Variants in SDK1 observed in about 807,000 individuals in gnomAD.
SDK1 encodes sidekick cell adhesion molecule 1.
In SDK1, 157 loss-of-function variants were observed where a neutral mutation model predicts 245.5. The ratio of observed to expected loss-of-function variants is 0.64; its 90% CI spans 0.56 to 0.73. The LOEUF (loss-of-function observed/expected upper bound fraction) is 0.73, where lower values mean the gene tolerates loss of function less well. Among genes scored for constraint, SDK1 ranks in the 30% least tolerant of loss-of-function variants. SDK1 has a pLI of 0.00. For synonymous variants in SDK1, 1,647 were observed against 1,278.5 expected, an observed-to-expected ratio of 1.29 and a Z score of -6.15; for missense variants, 3,583 against 3,002.3, an observed-to-expected ratio of 1.19 and a Z score of -4.52.
At chr7:4,257,682 G>A (rs6973319) in intron 44 of SDK1, among the ~76,000 whole-genome samples, 27,342 of 152,036 alleles carry the variant, frequency 0.18, 2,564 homozygotes, top group Middle Eastern at 0.25. Context: ...TTGGAGCCTC[G>A]TGTCTCTGCT....
intron 1 of SDK1, chr7:3,302,085 C>T (rs1022595568): frequency 7.6e-6 from 2 of 264,464 alleles, no homozygotes; most frequent in Non-Finnish European, 1.3e-5. Context: ...AGCCTGCACC[C>T]CGTCTGCTAC....
intron 11 of SDK1, among the ~76,000 whole-genome samples, chr7:3,971,165 A>G (rs541564458): frequency 1.8e-4 from 28 of 152,326 alleles, no homozygotes; most frequent in African/African-American, 6.7e-4. Context: ...GTTTTATTTT[A>G]GAGCCTAGAA....
intron 1 of SDK1, among the ~76,000 whole-genome samples, chr7:3,453,805 G>C (rs1308988602): frequency 1.3e-5 from 2 of 151,948 alleles, no homozygotes; most frequent in Non-Finnish European, 2.9e-5. Context: ...GGTCTCAAGC[G>C]ATCCTCCTGG....
chr7:3,598,375 G>T (rs565347104), intron 1 of SDK1, among the ~76,000 whole-genome samples: 1 of 152,100 alleles, frequency 6.6e-6, no homozygotes, highest in African/African-American at 2.4e-5. Context: ...CAGTGTGTTT[G>T]TTCTAAATTA....
chr7:3,821,671 T>C, intron 5 of SDK1, 88 bp downstream of exon 5: 1 of 1,442,154 alleles, frequency 6.9e-7, no homozygotes. Flanking sequence ...CATTTTGCAA[T>C]AAATTTTCTC....
intron 1 of SDK1, among the ~76,000 whole-genome samples, chr7:3,487,534 GAGTTCGAGACC>G (rs1006129116): frequency 6.6e-6 from 1 of 151,986 alleles, no homozygotes; most frequent in African/African-American, 2.4e-5. Flanking sequence ...CTGAGCCCAG[GAGTTCGAGACC>G]AGCTTGGGCA....
intron 1 of SDK1, among the ~76,000 whole-genome samples, chr7:3,519,523 T>C (rs1189188305): frequency 3.9e-5 from 6 of 152,254 alleles, no homozygotes; most frequent in Non-Finnish European, 8.8e-5. Flanking sequence ...TTGCTTGCTA[T>C]GTTTTGGGCA....
intron 5 of SDK1, among the ~76,000 whole-genome samples, chr7:3,906,757 A>G (rs1373084897): frequency 6.7e-6 from 1 of 149,808 alleles, no homozygotes; most frequent in African/African-American, 2.5e-5. Context: ...CCTCCTGAGT[A>G]GCTGGGACTA....
intron 14 of SDK1, among the ~76,000 whole-genome samples, chr7:4,009,535 A>G (rs970043337): frequency 2.6e-5 from 4 of 152,238 alleles, no homozygotes; most frequent in African/African-American, 9.6e-5. Flanking sequence ...AGACACACAG[A>G]GAGGGGGATC....
intron 4 of SDK1, among the ~76,000 whole-genome samples, chr7:3,789,432 G>C (rs766192460): frequency 2.6e-5 from 4 of 152,200 alleles, no homozygotes; most frequent in Non-Finnish European, 5.9e-5. Context: ...ACAGGCGTGA[G>C]CCACTCTGCC....
chr7:3,693,810 A>G (rs1192213439), intron 4 of SDK1, among the ~76,000 whole-genome samples: 1 of 152,038 alleles, frequency 6.6e-6, no homozygotes, highest in African/African-American at 2.4e-5. Context: ...AATCTCTGCT[A>G]TCCCCTAGCT....
chr7:3,838,506 G>A (rs1780078030), intron 5 of SDK1, among the ~76,000 whole-genome samples: 1 of 152,226 alleles, frequency 6.6e-6, no homozygotes, highest in South Asian at 2.1e-4. Flanking sequence ...GAGTCAGCAG[G>A]TGCCTCTCTG....
intron 1 of SDK1, among the ~76,000 whole-genome samples, chr7:3,427,667 T>G (rs1338885822): frequency 6.6e-6 from 1 of 152,170 alleles, no homozygotes; most frequent in African/African-American, 2.4e-5. Flanking sequence ...CCATACTCCT[T>G]TCTAAGTTTG....
intron 17 of SDK1, among the ~76,000 whole-genome samples, chr7:4,031,900 G>A (rs1050333693): frequency 5.0e-5 from 7 of 138,976 alleles, no homozygotes; most frequent in Non-Finnish European, 7.8e-5. Context: ...GGTGGTGCAC[G>A]CCTATAATCC....
At chr7:4,128,198 C>T (rs1400194331) in intron 26 of SDK1, among the ~76,000 whole-genome samples, 1 of 152,200 alleles carries the variant, frequency 6.6e-6, no homozygotes. Flanking sequence ...AGCGAGGCCA[C>T]GCTTGTCTCA....
chr7:3,373,271 G>A (rs1398492167), intron 1 of SDK1, among the ~76,000 whole-genome samples: 1 of 152,192 alleles, frequency 6.6e-6, no homozygotes, highest in Non-Finnish European at 1.5e-5. Flanking sequence ...ATAATCAAGT[G>A]TTGAAAGTCT....
chr7:3,509,512 T>G (rs927445034), intron 1 of SDK1, among the ~76,000 whole-genome samples: 1 of 152,182 alleles, frequency 6.6e-6, no homozygotes, highest in Non-Finnish European at 1.5e-5. Flanking sequence ...AGGGGCTTAT[T>G]AAATACAACC....
chr7:3,814,646 G>A (rs1478812248), intron 4 of SDK1, among the ~76,000 whole-genome samples: 1 of 152,068 alleles, frequency 6.6e-6, no homozygotes, highest in African/African-American at 2.4e-5. Context: ...CCAATTCTGT[G>A]AAGAAAGTCA....
At chr7:4,187,048 A>G (rs1782937708) in intron 35 of SDK1, among the ~76,000 whole-genome samples, 1 of 151,940 alleles carries the variant, frequency 6.6e-6, no homozygotes, top group Non-Finnish European at 1.5e-5. Context: ...GGGGCTTGGG[A>G]CCCATCTTGA....
Sources: allele counts gnomAD v4.1 joint callset (sites outside exome capture counted in the v4.1 genomes callset), GRCh38; gene constraint gnomAD v4.1.1; transcripts MANE v1.5; gene names NCBI Gene and HGNC (gene_info 2026-07-23, HGNC 2026-07-21).